SYCP2L: variants seen among roughly 807,000 people sequenced by gnomAD.
SYCP2L encodes the protein synaptonemal complex protein 2 like.
Under a neutral mutation model 125.8 loss-of-function variants are expected in SYCP2L, and 98 were observed. The ratio of observed to expected loss-of-function variants is 0.78; its 90% CI spans 0.66 to 0.92. SYCP2L has a LOEUF of 0.92. Among genes scored for constraint, SYCP2L ranks in the 40% least tolerant of loss-of-function variants. The pLI, the probability that SYCP2L is intolerant of heterozygous loss-of-function variation, is 0.00. For missense variants in SYCP2L, 842 were observed against 936.4 expected (o/e 0.90, Z 1.32); for synonymous variants, 317 against 325.4 (o/e 0.97, Z 0.28).
intron 1 of SYCP2L, among the ~76,000 whole-genome samples, chr6:10,890,505 A>G (rs1780154231): frequency 6.6e-6 from 1 of 151,916 alleles, no homozygotes; most frequent in African/African-American, 2.4e-5. Context: ...CTTTGGAGAG[A>G]TGTCTATTTA....
At position 10,935,124 on chromosome 6, in the gene SYCP2L, T is replaced by G. The variant is rs200368173; in HGVS notation, c.1750T>G (p.Ser584Ala). The G allele has an allele frequency of 7.1e-5, 115 of 1,613,068 alleles. No homozygotes were observed. Among genetic ancestry groups the G allele is most frequent in the Non-Finnish European group, 2.2e-5 (26 of 1,179,622 alleles). The change falls in exon 21 of 30, where the codon TCT (serine) becomes GCT (alanine). Residue 584 changes from serine to alanine, a missense_variant. Physicochemically the swap from Ser to Ala is moderately conservative, Grantham distance 99. Transcript: ENST00000283141. ...AAATAACACCACATCTCCAAAGACT[T>G]CTGAACAAAAATTCCAAGATAGTTT... ...EQNNTTSPKTSEQKFQDSFAF... is the reference protein window; with the variant it reads ...EQNNTTSPKTAEQKFQDSFAF...
chr6:10,904,530 AG>A (rs1477445379), intron 8 of SYCP2L, among the ~76,000 whole-genome samples: 1 of 152,188 alleles, frequency 6.6e-6, no homozygotes, highest in Non-Finnish European at 1.5e-5. Context: ...TTAATACGTT[AG>A]TGAAATCACT....
chr6:10,909,358 C>T (rs1406881057), intron 10 of SYCP2L, among the ~76,000 whole-genome samples: 1 of 152,026 alleles, frequency 6.6e-6, no homozygotes, highest in East Asian at 1.9e-4. Context: ...CAATTCCCAA[C>T]CTCAGGTGAT....
intron 20 of SYCP2L, among the ~76,000 whole-genome samples, chr6:10,932,112 G>A (rs1043783780): frequency 6.8e-5 from 10 of 148,014 alleles, no homozygotes; most frequent in Non-Finnish European, 1.5e-4. Flanking sequence ...ATGTTTTGAT[G>A]TAAACTTGTT....
intron 1 of SYCP2L, 93 bp from the exon 2 acceptor site, chr6:10,891,417 AATT>A: frequency 4.2e-6 from 3 of 717,986 alleles, no homozygotes; most frequent in Non-Finnish European, 2.1e-6. Context: ...ACAAACCTTT[AATT>A]TTTTTTTTTT....
rs868746441 is a variant in SYCP2L, at chr6:10,933,988, A to T, written c.1684-1070A>T. Among the ~76,000 whole-genome samples, 5 of 152,318 alleles carry T rather than the reference A, an allele frequency of 3.3e-5. No individual in the cohort carries two copies. The Middle Eastern group carries it at 0.01, about 311-fold the overall frequency. ...TTGATCATTTAGGATTTTCACTAGG[A>T]TCATTAGGCAGATCAGTTCTCATGC... On this transcript the variant is annotated intron_variant, in intron 20 of 29. Transcript: ENST00000283141.
intron 1 of SYCP2L, among the ~76,000 whole-genome samples, chr6:10,887,813 A>G (rs1324327511): frequency 6.6e-6 from 1 of 152,242 alleles, no homozygotes; most frequent in Admixed American, 6.5e-5. Context: ...CTTGTTCTCC[A>G]TAAAATCCAT....
At chr6:10,899,804 G>T (rs1581817064) in intron 6 of SYCP2L, among the ~76,000 whole-genome samples, 1 of 152,138 alleles carries the variant, frequency 6.6e-6, no homozygotes, top group South Asian at 2.1e-4. Context: ...GACTTGGTTG[G>T]TCCTCATAAT....
At chr6:10,941,333 A>G (rs1781216527) in intron 21 of SYCP2L, among the ~76,000 whole-genome samples, 1 of 152,256 alleles carries the variant, frequency 6.6e-6, no homozygotes, top group South Asian at 2.1e-4. Flanking sequence ...GCTTCTGCAC[A>G]GCAAAAGAAA....
chr6:10,901,183 T>TA (rs1211403842), intron 6 of SYCP2L, among the ~76,000 whole-genome samples: 3 of 152,224 alleles, frequency 2.0e-5, no homozygotes, highest in African/African-American at 7.2e-5. Flanking sequence ...TACCGGTAGT[T>TA]ACCCTTAATT....
rs149410034 is a variant in SYCP2L, at chr6:10,939,387, T to C, written c.1814-3072T>C. Reference sequence around the variant, plus strand: ...ATAGAAAAAACTATCCTAAAATTTATATGGAACCACAAAAGATCCTAAATA... The same window carrying C: ...ATAGAAAAAACTATCCTAAAATTTACATGGAACCACAAAAGATCCTAAATA... On this transcript the variant is annotated intron_variant, in intron 21 of 29. Coordinates refer to ENST00000283141, the MANE Select transcript of SYCP2L (RefSeq NM_001040274.3). Among the ~76,000 whole-genome samples the C allele has an allele frequency of 5.3e-5, 8 of 152,350 alleles. No individual in the cohort carries two copies. In the East Asian group the frequency reaches 1.3e-3, roughly 26 times the overall value.
chr6:10,955,104 G>T lies in SYCP2L; in HGVS notation c.1955-12G>T. On this transcript the variant is annotated splice_polypyrimidine_tract_variant and intron_variant, in intron 23 of 29. Coordinates refer to ENST00000283141, the MANE Select transcript of SYCP2L (RefSeq NM_001040274.3). Reference sequence around the variant, plus strand: ...TTCGGGTCAAAAGGAAATGTGCTCTGTTTGCCTGTAGACATACCAGAAGGT... The same window carrying T: ...TTCGGGTCAAAAGGAAATGTGCTCTTTTTGCCTGTAGACATACCAGAAGGT... 6.3e-7 allele frequency: 1 copy of T among 1,588,456 alleles called. No homozygotes were observed. The highest frequency in any genetic ancestry group is 2.2e-5 in the East Asian group (1 of 44,726).
intron 14 of SYCP2L, among the ~76,000 whole-genome samples, chr6:10,918,724 A>AT (rs1212241524): frequency 6.6e-6 from 1 of 151,706 alleles, no homozygotes; most frequent in South Asian, 2.1e-4. Flanking sequence ...TTTAGTAGAG[A>AT]CGGGTTTCAC....
intron 14 of SYCP2L, among the ~76,000 whole-genome samples, chr6:10,922,488 C>A (rs572927147): frequency 2.8e-5 from 4 of 142,068 alleles, no homozygotes; most frequent in Non-Finnish European, 6.1e-5. Context: ...TTTTTTGAGA[C>A]GAAGTCTCAC....
chr6:10,926,395 A>G lies in SYCP2L; in HGVS notation c.1275A>G (p.Glu425=), dbSNP rs1410340710. The G allele has an allele frequency of 1.9e-6, 3 of 1,613,868 alleles. No individual in the cohort carries two copies. In the African/African-American group the frequency reaches 4.0e-5, roughly 22 times the overall value. Residue 425 remains glutamate (E), a synonymous_variant, in exon 16 of 30, where the codon GAA becomes GAG. Coordinates refer to ENST00000283141, the MANE Select transcript of SYCP2L (RefSeq NM_001040274.3). ...AACTTTTTAGTAAGTCTGATAAAGAAGACAGGGAGAGTCCCAGTGGCCTTG... is the reference window on the plus strand; with the variant it reads ...AACTTTTTAGTAAGTCTGATAAAGAGGACAGGGAGAGTCCCAGTGGCCTTG... The part of the protein sequence containing the change: ...SSELFSKSDK[E]DRESPSGLER...
chr6:10,960,747 TA>T lies in SYCP2L; in HGVS notation c.2256-549del, dbSNP rs113060118. On this transcript the variant is annotated intron_variant, in intron 26 of 29. Transcript: ENST00000283141. The stretch of plus-strand genomic sequence containing the variant: ...AGTCATCTGTCCTTTTGTTCTCTAC[TA>T]AAAAAAAATCAGCTTCCTCTGTGCT... Among the ~76,000 whole-genome samples, 9 of 150,956 alleles carry T rather than the reference TA, an allele frequency of 6.0e-5. No individual in the cohort carries two copies. The South Asian group carries it at 1.3e-3, about 21-fold the overall frequency.
rs537933725 is a variant in SYCP2L at position 10,957,580 on chromosome 6, A to T, written c.2164-1204A>T. On this transcript the variant is annotated intron_variant, in intron 25 of 29. Coordinates refer to ENST00000283141, the MANE Select transcript of SYCP2L (RefSeq NM_001040274.3). ...TGGATCCCAGCACTTTGGGAGGCCA[A>T]GGGGGGAGAATCGCTTGAGGCCAGG... Among the ~76,000 whole-genome samples, 28 of 152,270 alleles carry T rather than the reference A, an allele frequency of 1.8e-4. No homozygotes were observed. In the South Asian group the frequency reaches 5.4e-3, roughly 29 times the overall value.
intron 21 of SYCP2L, among the ~76,000 whole-genome samples, chr6:10,940,166 C>T (rs184194454): frequency 1.1e-3 from 169 of 152,194 alleles, no homozygotes; most frequent in African/African-American, 3.6e-3. Flanking sequence ...TAGCTATTAT[C>T]GAAAAGACAG....
chr6:10,895,736 C>T (rs1329123581), intron 4 of SYCP2L, among the ~76,000 whole-genome samples: 1 of 152,154 alleles, frequency 6.6e-6, no homozygotes, highest in Admixed American at 6.5e-5. Context: ...GATTCCCCTG[C>T]CTCGGCCTCC....
Sources: allele counts gnomAD v4.1 joint callset (sites outside exome capture counted in the v4.1 genomes callset), GRCh38; gene constraint gnomAD v4.1.1; transcripts MANE v1.5; gene names NCBI Gene and HGNC (gene_info 2026-07-23, HGNC 2026-07-21).